Variants in AGO3 observed in about 807,000 individuals in gnomAD.
The protein encoded by AGO3 is argonaute RISC catalytic component 3.
In AGO3, 16 loss-of-function variants were observed where a neutral mutation model predicts 105.5. The ratio of observed to expected loss-of-function variants is 0.15; its 90% CI spans 0.10 to 0.23. AGO3 has a LOEUF of 0.23. Ranked by LOEUF, AGO3 falls within the 10% of genes least tolerant of loss-of-function variation. The probability of loss-of-function intolerance (pLI) is 1.00; values close to 1 mark genes in which losing one functional copy is unlikely to be tolerated. For missense variants in AGO3, 534 were observed against 1,088.0 expected (o/e 0.49, Z 7.16); for synonymous variants, 340 against 367.3 (o/e 0.93, Z 0.85).
chr1:35,986,728 G>T (rs1318916722), intron 5 of AGO3, among the ~76,000 whole-genome samples: 1 of 152,068 alleles, frequency 6.6e-6, no homozygotes, highest in Non-Finnish European at 1.5e-5. Context: ...GGGCCTAGTG[G>T]CTCAGACCTG....
intron 9 of AGO3, among the ~76,000 whole-genome samples, chr1:36,012,322 C>CAAAAA: frequency 1.1e-5 from 1 of 90,750 alleles, no homozygotes; most frequent in Non-Finnish European, 2.3e-5. Context: ...GACCCTGTCT[C>CAAAAA]AAAAAAAAAA....
Position 36,008,603 on chromosome 1 carries a change from A to C in AGO3, c.794-87A>C. ...AGAATTTTTTGTCTGTTCAGAATTGAGTTTTTATGGTAATGAACAGGCTTT... is the reference window on the plus strand; with the variant it reads ...AGAATTTTTTGTCTGTTCAGAATTGCGTTTTTATGGTAATGAACAGGCTTT... On this transcript the variant is annotated intron_variant, in intron 6 of 18. Coordinates refer to ENST00000373191, the MANE Select transcript of AGO3 (RefSeq NM_024852.4). The surrounding 1 kb of genome is among the most constrained non-coding windows in gnomAD (Gnocchi z 5.1). 1 of 1,283,478 alleles carries C rather than the reference A, an allele frequency of 7.8e-7. No homozygotes were observed. The allele number at this position is 1,283,478 out of a possible 1,614,324, so 79.5% of individuals were successfully genotyped here.
chr1:35,997,592 G>A (rs1639888308), intron 5 of AGO3, among the ~76,000 whole-genome samples: 1 of 152,194 alleles, frequency 6.6e-6, no homozygotes, highest in Non-Finnish European at 1.5e-5. Flanking sequence ...TACCTATTGT[G>A]TTGAGTAGTT....
chr1:36,013,046 C>G lies in AGO3; in HGVS notation c.1150-584C>G, dbSNP rs138408589. On this transcript the variant is annotated intron_variant, in intron 9 of 18. Transcript: ENST00000373191. Reference sequence around the variant, plus strand: ...TGAGCTCCCAGGCTCAAGCGATTCTCTCACCTCAGCCTCCCAAATAGCTGG... The same window carrying G: ...TGAGCTCCCAGGCTCAAGCGATTCTGTCACCTCAGCCTCCCAAATAGCTGG... Among the ~76,000 whole-genome samples the G allele has an allele frequency of 8.3e-3, 1,261 of 152,088 alleles. 19 individuals carry two copies. The highest frequency in any genetic ancestry group is 0.029 in the African/African-American group (1,183 of 41,490).
chr1:36,036,400 G>T, intron 14 of AGO3, 133 bp downstream of exon 14: 1 of 841,052 alleles, frequency 1.2e-6, no homozygotes, highest in Non-Finnish European at 1.9e-6. Flanking sequence ...TGAAAAGAAT[G>T]ATTATTCTCT....
At chr1:36,003,712 AT>A (rs1226820763) in intron 5 of AGO3, among the ~76,000 whole-genome samples, 3,352 of 100,532 alleles carry the variant, frequency 0.033, 161 homozygotes, top group East Asian at 0.27. Flanking sequence ...AAAAAAAAAT[AT>A]ATATATATAT....
At position 36,045,984 on chromosome 1, in the gene AGO3, C is replaced by G. The variant is rs373770971; in HGVS notation, c.2274+2436C>G. Among the ~76,000 whole-genome samples the G allele has an allele frequency of 2.4e-4, 36 of 152,302 alleles. 1 individual carries two copies. The highest frequency in any genetic ancestry group is 6.8e-3 in the Middle Eastern group (2 of 294). ...ACACTGAGCCTCCACTACTCCATCT[C>G]CAAATCAGGATCAGCTGGGAACCAG... On this transcript the variant is annotated intron_variant, in intron 17 of 18. Coordinates refer to ENST00000373191, the MANE Select transcript of AGO3 (RefSeq NM_024852.4).
In AGO3 at chr1:36,009,055, C is replaced by T. The variant is rs1424548790; in HGVS notation, c.1029+11C>T. 6.6e-7 allele frequency: 1 copy of T among 1,519,354 alleles called. No individual in the cohort carries two copies. The allele number at this position is 1,519,354 out of a possible 1,614,324, so 94.1% of individuals were successfully genotyped here. On this transcript the variant is annotated intron_variant, in intron 8 of 18. Transcript: ENST00000373191. ...TACCTGCCACTAGAAGTAATGCCTTCACACTGCTAATTAATACCCTGTTGT... is the reference window on the plus strand; with the variant it reads ...TACCTGCCACTAGAAGTAATGCCTTTACACTGCTAATTAATACCCTGTTGT...
chr1:35,973,665 A>C (rs1165790735), intron 5 of AGO3, 154 bp downstream of exon 5: 3 of 882,584 alleles, frequency 3.4e-6, no homozygotes. Flanking sequence ...TTTTTATTAC[A>C]TTTCATTTAG....
At chr1:35,975,472 ATC>A (rs1342656515) in intron 5 of AGO3, among the ~76,000 whole-genome samples, 2 of 151,888 alleles carry the variant, frequency 1.3e-5, no homozygotes, top group Non-Finnish European at 2.9e-5. Context: ...TTAGCTGTTC[ATC>A]TGTCATGAGT....
intron 4 of AGO3, among the ~76,000 whole-genome samples, chr1:35,972,856 ATTTTTT>A (rs1165696072): frequency 0.025 from 3,045 of 122,872 alleles, 114 homozygotes; most frequent in African/African-American, 0.085. Flanking sequence ...TTAAAAAAAA[ATTTTTT>A]TTTTTTTTTT....
chr1:35,974,037 T>C (rs557103036), intron 5 of AGO3, among the ~76,000 whole-genome samples: 3 of 152,332 alleles, frequency 2.0e-5, no homozygotes, highest in South Asian at 2.1e-4. Context: ...CTTTGCGTAA[T>C]CCGAGTACAT....
intron 5 of AGO3, among the ~76,000 whole-genome samples, chr1:35,981,610 T>C (rs148168579): frequency 4.4e-4 from 67 of 152,314 alleles, no homozygotes; most frequent in African/African-American, 1.5e-3. Flanking sequence ...TTTTGTACTA[T>C]TCTTATAACT....
chr1:35,985,344 G>C (rs1008855582), intron 5 of AGO3, among the ~76,000 whole-genome samples: 1 of 152,080 alleles, frequency 6.6e-6, no homozygotes, highest in Non-Finnish European at 1.5e-5. Context: ...TCGATATTAA[G>C]ATTTATATGG....
At chr1:35,963,390 C>G (rs556248469) in intron 2 of AGO3, among the ~76,000 whole-genome samples, 1 of 151,520 alleles carries the variant, frequency 6.6e-6, no homozygotes, top group East Asian at 2.0e-4. Context: ...AATAAATATA[C>G]CACAGCAACG....
At chr1:36,033,204 G>A (rs1388163421) in intron 12 of AGO3, among the ~76,000 whole-genome samples, 1 of 151,860 alleles carries the variant, frequency 6.6e-6, no homozygotes, top group Non-Finnish European at 1.5e-5. Flanking sequence ...AGGTGAGGTG[G>A]TGCACACCTG....
At chr1:35,982,772 G>A (rs763296419) in intron 5 of AGO3, 76 of 611,322 alleles carry the variant, frequency 1.2e-4, no homozygotes, top group Non-Finnish European at 1.9e-4. Flanking sequence ...GAAAAAATAG[G>A]TTTAAGAACC....
In AGO3 at chr1:36,027,494, C is replaced by T. The variant is rs370811971; in HGVS notation, c.1591+196C>T. ...GATGAGACATTGTAAAAAGAGTTTC[C>T]GGGCTGGGCGTGGTGGCTCACGCCT... On this transcript the variant is annotated intron_variant, in intron 12 of 18. Transcript: ENST00000373191. This position sits in a 1 kb window ranked among gnomAD's most constrained non-coding sequence, Gnocchi z 4.0. 9.9e-5 allele frequency among the ~76,000 whole-genome samples: 15 copies of T among 152,044 alleles called. No individual in the cohort carries two copies. The East Asian group carries it at 1.5e-3, about 16-fold the overall frequency.
intron 11 of AGO3, among the ~76,000 whole-genome samples, chr1:36,019,152 A>C (rs982127634): frequency 1.3e-5 from 2 of 152,144 alleles, no homozygotes; most frequent in African/African-American, 4.8e-5. Context: ...GTCCTGAGTC[A>C]GTGGTCCATG....
Sources: allele counts gnomAD v4.1 joint callset (sites outside exome capture counted in the v4.1 genomes callset), GRCh38; gene constraint gnomAD v4.1.1; non-coding constraint Gnocchi (gnomAD v3.1); transcripts MANE v1.5; gene names NCBI Gene and HGNC (gene_info 2026-07-23, HGNC 2026-07-21).